HDLBP: variants seen among roughly 807,000 people sequenced by gnomAD.
HDLBP encodes vigilin.
A neutral mutation model predicts 137.3 loss-of-function variants in HDLBP; 30 were observed. That is an observed-to-expected ratio of 0.22 (90% confidence interval 0.16 to 0.30). The LOEUF is 0.30. Among genes scored for constraint, HDLBP ranks in the 10% least tolerant of loss-of-function variants. HDLBP has a pLI of 1.00. For missense variants in HDLBP, 1,119 were observed against 1,667.3 expected (o/e 0.67, Z 5.73); for synonymous variants, 606 against 596.0 (o/e 1.02, Z -0.24).
At chr2:241,261,048 A>AG (rs2073125364) in intron 5 of HDLBP, among the ~76,000 whole-genome samples, 2 of 151,386 alleles carry the variant, frequency 1.3e-5, no homozygotes, top group South Asian at 4.2e-4. Context: ...ACAAAAAAAA[A>AG]GCCGGGCCTG....
chr2:241,255,972 C>A (rs2072581919), intron 7 of HDLBP, among the ~76,000 whole-genome samples: 1 of 152,212 alleles, frequency 6.6e-6, no homozygotes, highest in Non-Finnish European at 1.5e-5. Context: ...CAGTCAGAGG[C>A]CCAGGACGGC....
chr2:241,294,861 G>A (rs1259557138), intron 1 of HDLBP, among the ~76,000 whole-genome samples: 1 of 152,158 alleles, frequency 6.6e-6, no homozygotes, highest in Non-Finnish European at 1.5e-5. Context: ...AGCACTTTGG[G>A]AGGCCGAGAC....
At chr2:241,234,014 G>A in intron 23 of HDLBP, 51 bp from the exon 24 acceptor site, 1 of 1,602,516 alleles carries the variant, frequency 6.2e-7, no homozygotes, top group Non-Finnish European at 8.5e-7. Context: ...GATCCACCCT[G>A]TGACTCCATT....
intron 1 of HDLBP, among the ~76,000 whole-genome samples, chr2:241,294,231 A>G (rs775579845): frequency 8.5e-5 from 13 of 152,172 alleles, no homozygotes; most frequent in Non-Finnish European, 1.8e-4. Flanking sequence ...TTAGGGACCA[A>G]TAACTATAAT....
In HDLBP at chr2:241,242,508, C is replaced by T. The variant is rs766637766; in HGVS notation, c.2121G>A (p.Ser707=). The part of the protein sequence containing the change: ...SDTVVIRGPS[S]DVEKAKKQLL... ...GCTGCTTCTTGGCCTTCTCCACATC[C>T]GAGGAAGGGCCCCTGATAACAACGG... The change falls in exon 17 of 28, where the codon TCG becomes TCA. Residue 707 remains serine (S), a synonymous_variant. Transcript: ENST00000310931. The T allele has an allele frequency of 5.6e-6, 9 of 1,614,026 alleles. No homozygotes were observed. Among genetic ancestry groups the T allele is most frequent in the East Asian group, 4.5e-5 (2 of 44,888 alleles).
intron 1 of HDLBP, among the ~76,000 whole-genome samples, chr2:241,306,250 C>A (rs976139517): frequency 1.3e-5 from 2 of 151,694 alleles, no homozygotes; most frequent in Admixed American, 1.3e-4. Context: ...AAATGAAAAA[C>A]CCACTCAGAG....
chr2:241,286,473 T>C (rs1055601823), intron 1 of HDLBP, among the ~76,000 whole-genome samples: 38 of 152,236 alleles, frequency 2.5e-4, no homozygotes, highest in Non-Finnish European at 3.7e-4. Context: ...GTCTCTTACC[T>C]GCCTGTGACT....
chr2:241,230,245 C>T lies in HDLBP; in HGVS notation c.3499G>A (p.Gly1167Arg), dbSNP rs759712338. ...GTGACGCAGTTGGGGTCTGGGGCTC[C>T]GCTCTGTGGGAAGCGAATGTCCACC... ...FKVDIRFPQSGAPDPNCVTVT... is the reference protein window; with the variant it reads ...FKVDIRFPQSRAPDPNCVTVT... The change falls in exon 26 of 28, where the codon GGA becomes AGA. Residue 1167 changes from glycine to arginine, a missense_variant. By Grantham distance (125) the Gly-to-Arg change is moderately radical. Transcript: ENST00000310931. The surrounding 1 kb of genome is among the most constrained non-coding windows in gnomAD (Gnocchi z 5.0). 17 of 1,597,258 alleles carry T rather than the reference C, an allele frequency of 1.1e-5. No individual in the cohort carries two copies. Among genetic ancestry groups the T allele is most frequent in the African/African-American group, 2.7e-5 (2 of 74,536 alleles).
At position 241,272,716 on chromosome 2, in the gene HDLBP, T is replaced by G. The variant is rs1213169647; in HGVS notation, c.-102-4175A>C. ...CCCGCCCGGCAGCCCGCCCGCCCCG[T>G]CCGCCCGCCCGCCCAGGCCTCCCAG... On this transcript the variant is annotated intron_variant, in intron 1 of 27. Transcript: ENST00000310931. This position sits in a 1 kb window ranked among gnomAD's most constrained non-coding sequence, Gnocchi z 5.6. 22 of 438,446 alleles carry G rather than the reference T, an allele frequency of 5.0e-5. No individual in the cohort carries two copies. Among genetic ancestry groups the G allele is most frequent in the African/African-American group, 5.5e-5 (1 of 18,066 alleles). The allele number at this position is 438,446 out of a possible 1,614,324, so 27.2% of individuals were successfully genotyped here.
Position 241,272,924 on chromosome 2 carries a change from C to A in HDLBP, c.-102-4383G>T. ...GCCCGCCCGCCCCGCCGCTGGGGTC[C>A]CCGCCGCCCCGGGCCGCCCAGCACC... On this transcript the variant is annotated intron_variant, in intron 1 of 27. Transcript: ENST00000310931. The surrounding 1 kb of genome is among the most constrained non-coding windows in gnomAD (Gnocchi z 5.6). The A allele has an allele frequency of 1.3e-6, 1 of 769,612 alleles. No individual in the cohort carries two copies. Among genetic ancestry groups the A allele is most frequent in the South Asian group, 5.7e-5 (1 of 17,392 alleles). 47.7% of individuals were successfully genotyped at this position (769,612 alleles called of 1,614,324 possible). A position where few individuals can be genotyped will look rare whatever the true frequency, so the allele number is the denominator to read the frequency against.
intron 24 of HDLBP, 198 bp from the exon 25 acceptor site, chr2:241,231,142 T>A (rs1349911390): frequency 9.4e-6 from 5 of 533,424 alleles, no homozygotes; most frequent in Non-Finnish European, 1.3e-5. Flanking sequence ...CCCAGCACTT[T>A]GGGAGGCCGA....
chr2:241,246,589 G>GA lies in HDLBP; in HGVS notation c.1950+162dup, dbSNP rs2071699477. On this transcript the variant is annotated intron_variant, in intron 16 of 27. Transcript: ENST00000310931. ...GTAAGTATCGTGAGAGACAAAGGCA[G>GA]AAAACTGCTGACCAACTCATCAGTA... The GA allele has an allele frequency of 1.0e-5, 7 of 687,320 alleles. No homozygotes were observed. The South Asian group carries it at 1.4e-4, about 14-fold the overall frequency. The allele number at this position is 687,320 out of a possible 1,614,324, so 42.6% of individuals were successfully genotyped here. A position where few individuals can be genotyped will look rare whatever the true frequency, so the allele number is the denominator to read the frequency against.
chr2:241,279,390 T>C (rs2074515858), intron 1 of HDLBP, among the ~76,000 whole-genome samples: 1 of 152,218 alleles, frequency 6.6e-6, no homozygotes, highest in Non-Finnish European at 1.5e-5. Context: ...AATACAATCA[T>C]ATTTACACAA....
chr2:241,272,366 C>T lies in HDLBP; in HGVS notation c.-102-3825G>A, dbSNP rs1574993464. 4.1e-6 allele frequency: 4 copies of T among 984,144 alleles called. No individual in the cohort carries two copies. The highest frequency in any genetic ancestry group is 4.8e-6 in the Non-Finnish European group (4 of 829,566). The allele number at this position is 984,144 out of a possible 1,614,324, so 61.0% of individuals were successfully genotyped here. On this transcript the variant is annotated intron_variant, in intron 1 of 27. Transcript: ENST00000310931. The surrounding 1 kb of genome is among the most constrained non-coding windows in gnomAD (Gnocchi z 5.6). The stretch of plus-strand genomic sequence containing the variant: ...GCCCCGCCAACGTCAGCGACCTGGG[C>T]TCAGGTCGGCCGCCCCTCCGCGCCG...
chr2:241,275,233 C>G (rs1277958223), intron 1 of HDLBP, among the ~76,000 whole-genome samples: 1 of 151,962 alleles, frequency 6.6e-6, no homozygotes, highest in Non-Finnish European at 1.5e-5. Context: ...AAAAGGATAC[C>G]CACAGATCAG....
rs552622531 is a variant in HDLBP, at chr2:241,248,450, G to C, written c.1513-102C>G. 3.2e-6 allele frequency: 3 copies of C among 938,940 alleles called. No homozygotes were observed. The East Asian group carries it at 7.3e-5, about 23-fold the overall frequency. The allele number at this position is 938,940 out of a possible 1,614,324, so 58.2% of individuals were successfully genotyped here. On this transcript the variant is annotated intron_variant, in intron 12 of 27. Coordinates refer to ENST00000310931, the MANE Select transcript of HDLBP (RefSeq NM_005336.6). ...GGGAGCCCTGGGCACAGTCCTTCAT[G>C]GAGCAGGTGAGGTGGTCTCCAGGTG...
rs549336494 is a variant in HDLBP at position 241,297,698 on chromosome 2, A to C, written c.-103+17872T>G. ...AATCCAGGTCTGGGGCAGGGAAGGT[A>C]CATGAAGAGCCCAGAATATCCTGTG... On this transcript the variant is annotated intron_variant, in intron 1 of 27. Transcript: ENST00000310931. Among the ~76,000 whole-genome samples, 32 of 152,226 alleles carry C rather than the reference A, an allele frequency of 2.1e-4. No individual in the cohort carries two copies. The South Asian group carries it at 6.4e-3, about 31-fold the overall frequency.
rs775842362 is a variant in HDLBP, at chr2:241,238,821, G to C, written c.2611-34C>G. 1 of 1,464,344 alleles carries C rather than the reference G, an allele frequency of 6.8e-7. No individual in the cohort carries two copies. The highest frequency in any genetic ancestry group is 9.1e-7 in the Non-Finnish European group (1 of 1,095,192). The allele number at this position is 1,464,344 out of a possible 1,614,324, so 90.7% of individuals were successfully genotyped here. A position where few individuals can be genotyped will look rare whatever the true frequency, so the allele number is the denominator to read the frequency against. ...AGGTACACAAAGAAAAAAGAAAAGA[G>C]CAAAGATTAAATTCCTTAGGGCAAG... On this transcript the variant is annotated intron_variant, in intron 19 of 27. Transcript: ENST00000310931. This position sits in a 1 kb window ranked among gnomAD's most constrained non-coding sequence, Gnocchi z 4.9.
intron 14 of HDLBP, 91 bp downstream of exon 14, chr2:241,247,912 G>A: frequency 1.2e-6 from 1 of 851,676 alleles, no homozygotes; most frequent in Non-Finnish European, 2.0e-6. Context: ...CCCCAGAGCA[G>A]GGGTCCTGTG....
Sources: gnomAD v4.1 joint callset for allele counts (sites outside exome capture counted in the v4.1 genomes callset) on GRCh38, gnomAD v4.1.1 for gene constraint, Gnocchi (gnomAD v3.1) non-coding constraint, MANE v1.5 for transcripts, NCBI Gene and HGNC (gene_info 2026-07-23, HGNC 2026-07-21) for gene names.